The following ZSCAN25 variants were observed in gnomAD, a reference collection of about 807,000 sequenced individuals.
ZSCAN25 encodes the protein zinc finger and SCAN domain-containing protein 25.
ZSCAN25 carries 27 observed loss-of-function variants against 38.7 expected under a neutral mutation model. That is an observed-to-expected ratio of 0.70 (90% CI 0.51 to 0.96). The LOEUF (loss-of-function observed/expected upper bound fraction) is 0.96. Among genes scored for constraint, ZSCAN25 ranks in the 40% least tolerant of loss-of-function variants. The pLI, the probability that ZSCAN25 is intolerant of heterozygous loss-of-function variation, is 0.00. For missense variants in ZSCAN25, 637 were observed against 705.9 expected, an observed-to-expected ratio of 0.90 and a Z score of 1.11; for synonymous variants, 273 against 277.7, an observed-to-expected ratio of 0.98 and a Z score of 0.17.
At chr7:99,663,471 C>T in the ZSCAN25 span, 1 of 990,128 alleles carries the variant, frequency 1.0e-6, no homozygotes, top group Non-Finnish European at 1.2e-6. Flanking sequence ...CCTCAATTCT[C>T]AGAGAAGACC....
the ZSCAN25 span, among the ~76,000 whole-genome samples, chr7:99,665,807 A>G: frequency 6.6e-6 from 1 of 152,158 alleles, no homozygotes; most frequent in African/African-American, 2.4e-5. Context: ...ATCATCCTTT[A>G]TTCTCTACAC....
chr7:99,736,852 G>A, the ZSCAN25 span, among the ~76,000 whole-genome samples: 1 of 152,274 alleles, frequency 6.6e-6, no homozygotes. Context: ...AATGTCATGT[G>A]CAGTGTTGTG....
At chr7:99,693,465 T>A in the ZSCAN25 span, among the ~76,000 whole-genome samples, 2 of 152,250 alleles carry the variant, frequency 1.3e-5, no homozygotes, top group Non-Finnish European at 2.9e-5. Context: ...CTGCAGAGGC[T>A]GTCTGTCTCC....
the ZSCAN25 span, chr7:99,707,913 G>A: frequency 1.2e-6 from 2 of 1,613,864 alleles, no homozygotes; most frequent in Non-Finnish European, 1.7e-6. Flanking sequence ...CAGTTTCTGG[G>A]TCCACTTCCA....
chr7:99,688,690 A>AC, the ZSCAN25 span, among the ~76,000 whole-genome samples: 4 of 152,070 alleles, frequency 2.6e-5, no homozygotes, highest in Admixed American at 2.6e-4. Flanking sequence ...CATCTACAGA[A>AC]CTCTCCACCC....
chr7:99,634,866 C>CCG (rs1356120026), downstream of ZSCAN25, among the ~76,000 whole-genome samples: 1 of 151,954 alleles, frequency 6.6e-6, no homozygotes, highest in Admixed American at 6.6e-5. Flanking sequence ...CACTTGAACC[C>CCG]GGGGGGCGGA....
intron 6 of ZSCAN25, 45 bp from the exon 7 acceptor site, chr7:99,624,012 G>A: frequency 6.2e-7 from 1 of 1,613,280 alleles, no homozygotes. Context: ...ACTGTCTCTG[G>A]CCTAGGATTC....
rs1807682626 is a variant in ZSCAN25, at chr7:99,628,412, C to G, written c.806-779C>G. Among the ~76,000 whole-genome samples, 3 of 151,948 alleles carry G rather than the reference C, an allele frequency of 2.0e-5. No homozygotes were observed. The South Asian group carries it at 6.2e-4, about 31-fold the overall frequency. On this transcript the variant is annotated intron_variant, in intron 7 of 7. Coordinates refer to ENST00000394152, the MANE Select transcript of ZSCAN25 (RefSeq NM_145115.3). ...CTTTTCTTTTCTTTTTTTCTCCTCCCCTTTCTGTTACTCTTCCATAAACAC... is the reference window on the plus strand; with the variant it reads ...CTTTTCTTTTCTTTTTTTCTCCTCCGCTTTCTGTTACTCTTCCATAAACAC...
At chr7:99,735,796 G>A in the ZSCAN25 span, among the ~76,000 whole-genome samples, 1 of 152,150 alleles carries the variant, frequency 6.6e-6, no homozygotes, top group Non-Finnish European at 1.5e-5. Context: ...GCATAGTCTG[G>A]TCTTACTCAC....
At chr7:99,654,275 C>G in the ZSCAN25 span, among the ~76,000 whole-genome samples, 1 of 151,624 alleles carries the variant, frequency 6.6e-6, no homozygotes, top group Admixed American at 6.6e-5. Context: ...TATTCCCCTT[C>G]CTGTGTCCAT....
At chr7:99,674,343 C>T in the ZSCAN25 span, 19 of 468,414 alleles carry the variant, frequency 4.1e-5, no homozygotes, top group African/African-American at 1.6e-4. Context: ...TAGTTTATAA[C>T]GGCAAGCAGA....
At chr7:99,691,006 T>C in the ZSCAN25 span, among the ~76,000 whole-genome samples, 18 of 152,136 alleles carry the variant, frequency 1.2e-4, no homozygotes, top group African/African-American at 2.4e-4. Context: ...ATGTTTATTG[T>C]GGCACTATTC....
the ZSCAN25 span, chr7:99,710,657 T>C: frequency 1.9e-6 from 3 of 1,609,380 alleles, no homozygotes; most frequent in Admixed American, 3.4e-5. Flanking sequence ...ATAAAAATTC[T>C]CCTGGGAAGT....
rs1806941007 is a variant in ZSCAN25, at chr7:99,621,387, G to T, written c.402G>T (p.Arg134Ser). 1.4e-6 allele frequency: 2 copies of T among 1,433,784 alleles called. No individual in the cohort carries two copies. The highest frequency in any genetic ancestry group is 3.2e-5 in the South Asian group (2 of 62,490). 88.8% of individuals were successfully genotyped at this position (1,433,784 alleles called of 1,614,324 possible). A position where few individuals can be genotyped will look rare whatever the true frequency, so the allele number is the denominator to read the frequency against. Residue 134 changes from arginine to serine, a missense_variant, in exon 5 of 8, where the codon AGG (arginine) becomes AGT (serine). Coordinates refer to ENST00000394152, the MANE Select transcript of ZSCAN25 (RefSeq NM_145115.3). Reference protein sequence around the residue: ...ALEAKAVPCHRQGEQEETALC... With the variant: ...ALEAKAVPCHSQGEQEETALC... The stretch of plus-strand genomic sequence containing the variant: ...ACTGTTCTTAGGTTCCATGCCACAG[G>T]CAGGGAGAGCAGGAGGAAACAGCAC...
At chr7:99,654,089 T>C in the ZSCAN25 span, among the ~76,000 whole-genome samples, 1 of 152,314 alleles carries the variant, frequency 6.6e-6, no homozygotes, top group Admixed American at 6.5e-5. Flanking sequence ...TTTTGAATTT[T>C]TTTTTTTATA....
At chr7:99,676,702 G>C in the ZSCAN25 span, 1 of 538,462 alleles carries the variant, frequency 1.9e-6, no homozygotes, top group South Asian at 1.5e-5. Flanking sequence ...AATTTGCTCA[G>C]AAATGTTTAT....
At position 99,624,081 on chromosome 7, in the gene ZSCAN25, G is replaced by T; in HGVS notation, c.706G>T (p.Ala236Ser). The change falls in exon 7 of 8, where the codon GCC (alanine) becomes TCC (serine). Residue 236 changes from alanine to serine, a missense_variant. Coordinates refer to ENST00000394152, the MANE Select transcript of ZSCAN25 (RefSeq NM_145115.3). ...SQGLGPFKDM[A>S]LAFPEEEWRH... ...GGGGTTGGGGCCATTTAAAGATATG[G>T]CCCTGGCCTTCCCTGAGGAGGAGTG... 1 of 1,614,166 alleles carries T rather than the reference G, an allele frequency of 6.2e-7. No homozygotes were observed. The highest frequency in any genetic ancestry group is 2.2e-5 in the East Asian group (1 of 44,890).
chr7:99,689,660 C>T, the ZSCAN25 span, among the ~76,000 whole-genome samples: 1 of 152,160 alleles, frequency 6.6e-6, no homozygotes, highest in Non-Finnish European at 1.5e-5. Context: ...ACACCAATAA[C>T]AGACAAACAG....
the ZSCAN25 span, among the ~76,000 whole-genome samples, chr7:99,683,620 C>T: frequency 6.6e-6 from 1 of 152,292 alleles, no homozygotes; most frequent in African/African-American, 2.4e-5. Flanking sequence ...TCCCTTCCCA[C>T]TCATGGATGC....
Sources: allele counts gnomAD v4.1 joint callset (sites outside exome capture counted in the v4.1 genomes callset), GRCh38; gene constraint gnomAD v4.1.1; transcripts MANE v1.5; gene names NCBI Gene and HGNC (gene_info 2026-07-23, HGNC 2026-07-21).